SEMA3D: variants seen among roughly 807,000 people sequenced by gnomAD.
SEMA3D encodes semaphorin 3D.
Under a neutral mutation model 100.1 loss-of-function variants are expected in SEMA3D, and 84 were observed. The ratio of observed to expected loss-of-function variants is 0.84; its 90% CI spans 0.70 to 1.01. The LOEUF (loss-of-function observed/expected upper bound fraction) is 1.01. SEMA3D is among the 50% of genes least tolerant of loss of function. The pLI, the probability that SEMA3D is intolerant of heterozygous loss-of-function variation, is 0.00. For synonymous variants in SEMA3D, 312 were observed against 320.7 expected (o/e 0.97, Z 0.29); for missense variants, 875 against 934.1 (o/e 0.94, Z 0.82).
intron 15 of SEMA3D, among the ~76,000 whole-genome samples, chr7:85,015,954 T>C (rs1237185374): frequency 1.3e-5 from 2 of 151,670 alleles, no homozygotes; most frequent in Non-Finnish European, 2.9e-5. Flanking sequence ...AAAGAACTCA[T>C]GGTCCACTCT....
the SEMA3D span, among the ~76,000 whole-genome samples, chr7:85,241,037 T>C: frequency 1.3e-5 from 2 of 152,050 alleles, no homozygotes; most frequent in African/African-American, 4.8e-5. Flanking sequence ...AAAGAAGATA[T>C]ACAAATGGCC....
At chr7:85,101,531 T>C (rs1326886968) in intron 3 of SEMA3D, among the ~76,000 whole-genome samples, 1 of 151,972 alleles carries the variant, frequency 6.6e-6, no homozygotes, top group Non-Finnish European at 1.5e-5. Flanking sequence ...TCCTCATCTG[T>C]AAAGTGAGGA....
At position 84,999,574 on chromosome 7, in the gene SEMA3D, T is replaced by A; in HGVS notation, c.2200A>T (p.Met734Leu). 1 of 1,614,140 alleles carries A rather than the reference T, an allele frequency of 6.2e-7. No homozygotes were observed. Among genetic ancestry groups the A allele is most frequent in the Non-Finnish European group, 8.5e-7 (1 of 1,180,010 alleles). The change falls in exon 19 of 19, where the codon ATG becomes TTG. Residue 734 changes from methionine to leucine, a missense_variant. By Grantham distance (15) the Met-to-Leu change is conservative (BLOSUM62 2). Transcript: ENST00000284136. ...NFSLDQYCEQ[M>L]WHREKRRQRN... ...TGTCTCCGCTTCTCCCTGTGCCACA[T>A]CTGTTCGCAGTACTGGTCGAGGCTG...
At chr7:85,138,962 T>A (rs1244080374) in intron 2 of SEMA3D, among the ~76,000 whole-genome samples, 1 of 151,976 alleles carries the variant, frequency 6.6e-6, no homozygotes, top group Non-Finnish European at 1.5e-5. Flanking sequence ...CTGGCAACAT[T>A]GAGAAGGCAG....
chr7:85,135,521 G>C (rs1213997770), intron 2 of SEMA3D, among the ~76,000 whole-genome samples: 3 of 151,910 alleles, frequency 2.0e-5, no homozygotes, highest in Admixed American at 6.6e-5. Context: ...GGGGGTAGAG[G>C]GGGAGGGAAA....
At chr7:85,105,045 T>G (rs534136644) in intron 3 of SEMA3D, among the ~76,000 whole-genome samples, 14 of 152,188 alleles carry the variant, frequency 9.2e-5, no homozygotes, top group African/African-American at 2.9e-4. Flanking sequence ...TTCTTTTTCC[T>G]TCAGGAAATA....
At chr7:85,187,995 C>A (rs2534870), upstream of SEMA3D, among the ~76,000 whole-genome samples, 101,014 of 152,026 alleles carry the variant, frequency 0.66, 34,281 homozygotes, top group East Asian at 0.92. Context: ...ACATGGAAAG[C>A]AAGCAGCCAC....
chr7:85,119,769 A>G (rs1040154933), intron 3 of SEMA3D, among the ~76,000 whole-genome samples: 1 of 152,106 alleles, frequency 6.6e-6, no homozygotes, highest in Non-Finnish European at 1.5e-5. Flanking sequence ...ATAAAAATTA[A>G]AAAACAAAAT....
intron 3 of SEMA3D, among the ~76,000 whole-genome samples, chr7:85,102,040 T>C (rs1788762162): frequency 6.6e-6 from 1 of 152,042 alleles, no homozygotes; most frequent in Non-Finnish European, 1.5e-5. Flanking sequence ...TTAGTGAGCC[T>C]TGTCTGCAAG....
intron 6 of SEMA3D, 107 bp downstream of exon 6, chr7:85,072,855 A>T (rs563598620): frequency 3.4e-6 from 3 of 879,314 alleles, no homozygotes; most frequent in African/African-American, 3.5e-5. Flanking sequence ...ATGCCTGGCC[A>T]TATATGTTTC....
intron 17 of SEMA3D, among the ~76,000 whole-genome samples, chr7:85,011,989 C>T (rs1236964466): frequency 1.3e-5 from 2 of 151,308 alleles, no homozygotes; most frequent in Admixed American, 6.6e-5. Context: ...CATATATTTT[C>T]GATCTTAAGG....
chr7:85,199,924 C>T, the SEMA3D span, among the ~76,000 whole-genome samples: 7 of 152,242 alleles, frequency 4.6e-5, no homozygotes, highest in East Asian at 7.7e-4. Flanking sequence ...ATGAGTCTTA[C>T]GAGATCTGAT....
intron 5 of SEMA3D, 83 bp downstream of exon 5, chr7:85,081,434 T>C (rs939083582): frequency 1.8e-5 from 15 of 856,938 alleles, no homozygotes; most frequent in Non-Finnish European, 2.7e-5. Flanking sequence ...CTAATACCAT[T>C]AATTCAGTAA....
intron 3 of SEMA3D, among the ~76,000 whole-genome samples, chr7:85,104,306 G>A (rs1382957496): frequency 6.6e-6 from 1 of 151,982 alleles, no homozygotes; most frequent in Non-Finnish European, 1.5e-5. Context: ...TGTGACAAAG[G>A]ACAACCATAT....
chr7:85,221,129 A>T, the SEMA3D span, among the ~76,000 whole-genome samples: 3 of 152,090 alleles, frequency 2.0e-5, no homozygotes, highest in Non-Finnish European at 4.4e-5. Flanking sequence ...CCACTAGGAA[A>T]GGAATGAAGA....
At chr7:85,228,585 T>A in the SEMA3D span, among the ~76,000 whole-genome samples, 4 of 152,130 alleles carry the variant, frequency 2.6e-5, no homozygotes, top group Non-Finnish European at 5.9e-5. Flanking sequence ...TGTTCTTTCT[T>A]TGTGTAATCT....
intron 8 of SEMA3D, among the ~76,000 whole-genome samples, chr7:85,062,020 G>T (rs376994853): frequency 2.2e-4 from 33 of 152,136 alleles, no homozygotes; most frequent in African/African-American, 7.5e-4. Flanking sequence ...AGTTTGTAGT[G>T]AGGCTGCAAA....
chr7:85,076,265 AGG>A (rs1233213508), intron 5 of SEMA3D, among the ~76,000 whole-genome samples: 7 of 152,182 alleles, frequency 4.6e-5, no homozygotes, highest in Non-Finnish European at 5.9e-5. Flanking sequence ...AAAAGGGAAG[AGG>A]GGGAGAAGAA....
At chr7:85,027,022 A>G (rs1790409321) in intron 12 of SEMA3D, among the ~76,000 whole-genome samples, 1 of 152,038 alleles carries the variant, frequency 6.6e-6, no homozygotes, top group Non-Finnish European at 1.5e-5. Flanking sequence ...CCAATTGTTG[A>G]TATTATGTAT....
Sources: gnomAD v4.1 joint callset for allele counts (sites outside exome capture counted in the v4.1 genomes callset) on GRCh38, gnomAD v4.1.1 for gene constraint, MANE v1.5 for transcripts, NCBI Gene and HGNC (gene_info 2026-07-23, HGNC 2026-07-21) for gene names.